Variants in UHRF1 observed in about 807,000 individuals in gnomAD.
The protein encoded by UHRF1 is E3 ubiquitin-protein ligase UHRF1.
A neutral mutation model predicts 96.5 loss-of-function variants in UHRF1; 9 were observed. The ratio of observed to expected loss-of-function variants is 0.09; its 90% confidence interval spans 0.06 to 0.16. The LOEUF (loss-of-function observed/expected upper bound fraction) is 0.16, where lower values mean the gene tolerates loss of function less well. Among genes scored for constraint, UHRF1 ranks in the 10% least tolerant of loss-of-function variants. UHRF1 has a pLI of 1.00. For missense variants in UHRF1, 626 were observed against 1,131.1 expected, an observed-to-expected ratio of 0.55 and a Z score of 6.40; for synonymous variants, 455 against 469.9, an observed-to-expected ratio of 0.97 and a Z score of 0.41.
At chr19:4,931,485 C>T (rs759243771) in intron 4 of UHRF1, among the ~76,000 whole-genome samples, 67 of 151,632 alleles carry the variant, frequency 4.4e-4, no homozygotes, top group South Asian at 1.3e-3. Context: ...TTTATTTTTT[C>T]GAGACAGAGT....
intron 4 of UHRF1, among the ~76,000 whole-genome samples, chr19:4,931,634 A>G (rs2033055682): frequency 6.6e-6 from 1 of 151,314 alleles, no homozygotes; most frequent in South Asian, 2.1e-4. Context: ...ACGCCTGGCT[A>G]ATTTTTGTAT....
intron 15 of UHRF1, among the ~76,000 whole-genome samples, chr19:4,955,133 G>A (rs979621378): frequency 1.3e-5 from 2 of 151,872 alleles, no homozygotes; most frequent in East Asian, 1.9e-4. Context: ...CCTACCTTCT[G>A]TCTCTGTCTC....
chr19:4,926,782 A>AT (rs2032884829), intron 2 of UHRF1, among the ~76,000 whole-genome samples: 1 of 150,952 alleles, frequency 6.6e-6, no homozygotes, highest in South Asian at 2.1e-4. Flanking sequence ...AAAAAAAAAA[A>AT]GTCCGGGTGC....
At chr19:4,934,143 C>T (rs1453470877) in intron 5 of UHRF1, among the ~76,000 whole-genome samples, 1 of 151,818 alleles carries the variant, frequency 6.6e-6, no homozygotes, top group East Asian at 1.9e-4. Context: ...CCTGCCTCAG[C>T]CTCCCAAGTA....
chr19:4,952,302 C>G (rs17884147), intron 13 of UHRF1, among the ~76,000 whole-genome samples: 10,981 of 151,538 alleles, frequency 0.072, 728 homozygotes, highest in East Asian at 0.27. Context: ...CCATGTTGGT[C>G]AGGCTGGTCT....
At chr19:4,909,471 CA>C, upstream of UHRF1, 1 of 653,722 alleles carries the variant, frequency 1.5e-6, no homozygotes, top group South Asian at 1.6e-5. Flanking sequence ...CCGCAACTCC[CA>C]AATGCCGAGT....
chr19:4,916,923 AC>A (rs2032529258), intron 2 of UHRF1, among the ~76,000 whole-genome samples: 1 of 151,834 alleles, frequency 6.6e-6, no homozygotes, highest in Admixed American at 6.6e-5. Context: ...GAGCTCCTAA[AC>A]TTCTGGTTTC....
At chr19:4,952,878 G>A (rs1314214191) in intron 13 of UHRF1, among the ~76,000 whole-genome samples, 4 of 152,114 alleles carry the variant, frequency 2.6e-5, no homozygotes, top group African/African-American at 9.7e-5. Context: ...AGGCCCTGGG[G>A]TCAGGTGTTC....
rs372993380 is a variant in UHRF1 at position 4,950,755 on chromosome 19, C to G, written c.1662C>G (p.Arg554=). The G allele has an allele frequency of 3.0e-5, 49 of 1,611,594 alleles. No individual in the cohort carries two copies. Among genetic ancestry groups the G allele is most frequent in the Non-Finnish European group, 4.0e-5 (47 of 1,178,864 alleles). Reference sequence around the variant, plus strand: ...AGTACGCCCCCGCTGAGGGCAACCGCTACGATGGCATCTACAAGGTGAGTG... The same window carrying G: ...AGTACGCCCCCGCTGAGGGCAACCGGTACGATGGCATCTACAAGGTGAGTG... ...NSKYAPAEGN[R]YDGIYKVVKY... The change falls in exon 12 of 17, where the codon CGC becomes CGG. Residue 554 remains arginine, a synonymous_variant. Transcript: ENST00000650932.
chr19:4,929,487 C>G lies in UHRF1; in HGVS notation c.408+11C>G. 1 of 1,605,392 alleles carries G rather than the reference C, an allele frequency of 6.2e-7. No individual in the cohort carries two copies. Among genetic ancestry groups the G allele is most frequent in the Non-Finnish European group, 8.5e-7 (1 of 1,173,848 alleles). On this transcript the variant is annotated intron_variant, in intron 3 of 16. Transcript: ENST00000650932. ...TTGGGGCTGTACAAGGTGAGCCTCC[C>G]CTCCGCAGCTGCTCTGGGGTTGGAC... is the stretch of plus-strand genomic sequence containing the variant.
chr19:4,933,284 C>T lies in UHRF1; in HGVS notation c.785+328C>T, dbSNP rs17883740. On this transcript the variant is annotated intron_variant, in intron 5 of 16. Coordinates refer to ENST00000650932, the MANE Select transcript of UHRF1 (RefSeq NM_001048201.3). ...AGGCTGGAGTGCAGTGGTTCGATCT[C>T]GGTTCACTGCAAGCTCTGCCTCCTG... Among the ~76,000 whole-genome samples, 846 of 152,226 alleles carry T rather than the reference C, an allele frequency of 5.6e-3. 6 individuals carry two copies. Among genetic ancestry groups the T allele is most frequent in the African/African-American group, 0.019 (805 of 41,540 alleles).
Position 4,954,535 on chromosome 19 carries a change from C to T in UHRF1, c.1957+47C>T. 1.9e-6 allele frequency: 3 copies of T among 1,586,574 alleles called. No individual in the cohort carries two copies. The highest frequency in any genetic ancestry group is 1.1e-5 in the South Asian group (1 of 87,550). On this transcript the variant is annotated intron_variant, in intron 14 of 16. Coordinates refer to ENST00000650932, the MANE Select transcript of UHRF1 (RefSeq NM_001048201.3). This position sits in a 1 kb window ranked among gnomAD's most constrained non-coding sequence, Gnocchi z 5.9. The stretch of plus-strand genomic sequence containing the variant: ...GGTGAGCGTCTTGTGTGTGGGGGAG[C>T]AGGTGGGCATCTCGCGGGTGTGGGG...
intron 5 of UHRF1, among the ~76,000 whole-genome samples, chr19:4,936,915 AAT>A (rs1568420809): frequency 6.6e-6 from 1 of 152,214 alleles, no homozygotes; most frequent in Non-Finnish European, 1.5e-5. Context: ...TCACAACTGG[AAT>A]ATTGACATTG....
At chr19:4,941,087 T>G (rs2033381708) in intron 5 of UHRF1, among the ~76,000 whole-genome samples, 2 of 83,944 alleles carry the variant, frequency 2.4e-5, no homozygotes, top group African/African-American at 4.7e-5. Flanking sequence ...TGTGTTTTGT[T>G]TTTTTTTTTT....
chr19:4,942,212 C>T (rs1434312328), intron 7 of UHRF1, among the ~76,000 whole-genome samples: 4 of 149,870 alleles, frequency 2.7e-5, no homozygotes, highest in South Asian at 2.1e-4. Flanking sequence ...TTTTTTTTTG[C>T]GGCGGAGTCT....
intron 1 of UHRF1, among the ~76,000 whole-genome samples, chr19:4,904,480 A>G (rs1265295939): frequency 6.6e-6 from 1 of 151,936 alleles, no homozygotes; most frequent in African/African-American, 2.4e-5. Context: ...CACCCAGCCA[A>G]TTTTTGTTAT....
rs112271029 is a variant in UHRF1 at position 4,922,388 on chromosome 19, C to T, written c.154-6834C>T. Among the ~76,000 whole-genome samples the T allele has an allele frequency of 7.1e-3, 1,074 of 152,170 alleles. 11 individuals are homozygous for T. Among genetic ancestry groups the T allele is most frequent in the African/African-American group, 0.025 (1,027 of 41,524 alleles). On this transcript the variant is annotated intron_variant, in intron 2 of 16. Transcript: ENST00000650932. ...TCAAGCAATTCTTGTGCCACAGCCTCCCCAGTAGCTGGGACTACAGGCGCC... is the reference window on the plus strand; with the variant it reads ...TCAAGCAATTCTTGTGCCACAGCCTTCCCAGTAGCTGGGACTACAGGCGCC...
intron 2 of UHRF1, among the ~76,000 whole-genome samples, chr19:4,922,784 G>T (rs1233343815): frequency 6.6e-6 from 1 of 152,198 alleles, no homozygotes; most frequent in Non-Finnish European, 1.5e-5. Context: ...TTTTGTGCCA[G>T]CCTGGGCCAG....
intron 2 of UHRF1, among the ~76,000 whole-genome samples, chr19:4,917,638 G>C (rs1216890637): frequency 7.4e-6 from 1 of 135,986 alleles, no homozygotes; most frequent in Admixed American, 7.5e-5. Context: ...TGGCAACAGA[G>C]CGAGACTCCG....
Sources: gnomAD v4.1 joint callset for allele counts (sites outside exome capture counted in the v4.1 genomes callset) on GRCh38, gnomAD v4.1.1 for gene constraint, Gnocchi (gnomAD v3.1) non-coding constraint, MANE v1.5 for transcripts, NCBI Gene and HGNC (gene_info 2026-07-23, HGNC 2026-07-21) for gene names.